The following HAUS8 variants were observed in gnomAD, a reference collection of about 807,000 sequenced individuals.
HAUS8 encodes HAUS augmin like complex subunit 8, also known as HAUS augmin-like complex subunit 8.
A neutral mutation model predicts 42.9 loss-of-function variants in HAUS8; 38 were observed. The ratio of observed to expected loss-of-function variants is 0.89; its 90% CI spans 0.68 to 1.16. The LOEUF (loss-of-function observed/expected upper bound fraction) is 1.16, where lower values mean the gene tolerates loss of function less well. HAUS8 is among the 50% of genes most tolerant of loss of function. The probability of loss-of-function intolerance (pLI) is 0.00; values close to 1 mark genes in which losing one functional copy is unlikely to be tolerated. For synonymous variants in HAUS8, 199 were observed against 205.8 expected (o/e 0.97, Z 0.28); for missense variants, 494 against 511.6 (o/e 0.97, Z 0.33).
rs754424166 is a variant in HAUS8 at position 17,069,055 on chromosome 19, C to T, written c.123G>A (p.Gln41=). 2.5e-6 allele frequency: 4 copies of T among 1,613,502 alleles called. No homozygotes were observed. In the South Asian group the frequency reaches 3.3e-5, roughly 13 times the overall value. The change falls in exon 3 of 11, where the codon CAG becomes CAA. Residue 41 remains glutamine (Q), a synonymous_variant. Transcript: ENST00000253669. ...CCTTTTGGGTTGTCTTCTTTTCATA[C>T]TGCAGATACCGGGACTCAATCACTC... ...GGRVIESRYL[Q]YEKKTTQKAP...
At chr19:17,065,496 G>C (rs1363835894) in intron 3 of HAUS8, among the ~76,000 whole-genome samples, 1 of 152,116 alleles carries the variant, frequency 6.6e-6, no homozygotes, top group African/African-American at 2.4e-5. Flanking sequence ...CCACAGGGCT[G>C]TCCATGCTTC....
At chr19:17,067,031 C>G (rs557138737) in intron 3 of HAUS8, among the ~76,000 whole-genome samples, 1 of 151,972 alleles carries the variant, frequency 6.6e-6, no homozygotes, top group Non-Finnish European at 1.5e-5. Context: ...ATGCTGAAAC[C>G]CTGTCTCTAC....
chr19:17,068,275 G>A (rs1049720193), intron 3 of HAUS8, among the ~76,000 whole-genome samples: 3 of 151,608 alleles, frequency 2.0e-5, no homozygotes, highest in Non-Finnish European at 4.4e-5. Context: ...CACTGCATCC[G>A]GCTAATTTTT....
rs779147284 is a variant in HAUS8 at position 17,052,813 on chromosome 19, T to C, written c.929+12A>G. ...GGGTGCCACCTCTTTCTTAAAGCAT[T>C]TTCCGAGGTACCTTCGGAGCTCAAG... On this transcript the variant is annotated intron_variant, in intron 10 of 10. Transcript: ENST00000253669. 6.8e-6 allele frequency: 11 copies of C among 1,614,120 alleles called. 1 individual carries two copies. In the South Asian group the frequency reaches 1.1e-4, roughly 16 times the overall value.
At chr19:17,069,187 T>C in intron 2 of HAUS8, 101 bp from the exon 3 acceptor site, 2 of 977,514 alleles carry the variant, frequency 2.0e-6, no homozygotes, top group Non-Finnish European at 3.2e-6. Context: ...AGGGGCCCTC[T>C]CCACTCAGTG....
At chr19:17,052,576 C>CAA in intron 10 of HAUS8, 18 of 354,734 alleles carry the variant, frequency 5.1e-5, no homozygotes, top group South Asian at 7.2e-5. Context: ...GAACCTGTCT[C>CAA]AAAAAAAAAA....
In HAUS8 at chr19:17,062,665, C is replaced by T. The variant is rs375765810; in HGVS notation, c.229+33G>A. On this transcript the variant is annotated intron_variant, in intron 4 of 10. Transcript: ENST00000253669. ...TGGAGACAAAATTTACTGCCGCGCT[C>T]ATCACTGCCCGAGGACCATGGCTGT... 1.9e-5 allele frequency: 29 copies of T among 1,566,968 alleles called. No homozygotes were observed. The African/African-American group carries it at 3.1e-4, about 17-fold the overall frequency.
chr19:17,068,338 T>G (rs922352693), intron 3 of HAUS8, among the ~76,000 whole-genome samples: 2 of 152,118 alleles, frequency 1.3e-5, no homozygotes, highest in African/African-American at 4.8e-5. Flanking sequence ...GGTCTCGAAC[T>G]CCTAGCCTCA....
intron 4 of HAUS8, among the ~76,000 whole-genome samples, chr19:17,060,656 C>T (rs1279019364): frequency 6.6e-6 from 1 of 152,218 alleles, no homozygotes; most frequent in Non-Finnish European, 1.5e-5. Flanking sequence ...GATCTATCCA[C>T]CTCGGCCTCC....
intron 8 of HAUS8, 70 bp from the exon 9 acceptor site, chr19:17,056,072 G>A (rs1220438113): frequency 1.0e-5 from 15 of 1,447,770 alleles, no homozygotes; most frequent in African/African-American, 1.5e-5. Context: ...GAAGCTTAAC[G>A]GCTTGTGCAG....
intron 8 of HAUS8, among the ~76,000 whole-genome samples, chr19:17,057,532 C>G (rs1348900321): frequency 6.6e-6 from 1 of 152,074 alleles, no homozygotes; most frequent in Non-Finnish European, 1.5e-5. Flanking sequence ...TTCCAATATA[C>G]TTATTGAAAA....
chr19:17,059,438 A>G (rs111324441), intron 6 of HAUS8, 119 bp downstream of exon 6: 10,131 of 688,414 alleles, frequency 0.015, 161 homozygotes, highest in South Asian at 0.041. Context: ...TTTGTCCTAA[A>G]GGGCATGGGT....
intron 3 of HAUS8, among the ~76,000 whole-genome samples, chr19:17,068,099 C>CTTT (rs889723027): frequency 2.8e-3 from 257 of 93,442 alleles, no homozygotes; most frequent in East Asian, 4.9e-3. Flanking sequence ...TTATTTTATT[C>CTTT]TTTTTTTTTT....
chr19:17,060,390 C>T (rs1459406593), intron 4 of HAUS8: 1 of 298,534 alleles, frequency 3.3e-6, no homozygotes, highest in South Asian at 7.0e-5. Flanking sequence ...ATGCCATATT[C>T]CCATTCTACC....
intron 2 of HAUS8, among the ~76,000 whole-genome samples, chr19:17,072,793 A>G (rs911008530): frequency 1.3e-5 from 2 of 151,868 alleles, no homozygotes; most frequent in Non-Finnish European, 2.9e-5. Context: ...CCCTCATGAG[A>G]CTGACACGCT....
chr19:17,055,189 T>C (rs1303680206), intron 9 of HAUS8: 2 of 65,368 alleles, frequency 3.1e-5, no homozygotes, highest in Non-Finnish European at 5.0e-5. Flanking sequence ...TATATATATA[T>C]ATAAGCCAGG....
rs745670091 is a variant in HAUS8, at chr19:17,075,395, C to T, written c.28G>A (p.Gly10Arg). The change falls in exon 1 of 11, where the codon GGG becomes AGG. Residue 10 changes from glycine (G) to arginine (R), a missense_variant and splice_region_variant. Physicochemically the swap from Gly to Arg is moderately radical, Grantham distance 125 (BLOSUM62 -2). Coordinates refer to ENST00000253669, the MANE Select transcript of HAUS8 (RefSeq NM_033417.2). MADSSGRGAGKPATGPTNSS... is the reference protein window; with the variant it reads MADSSGRGARKPATGPTNSS... Reference sequence around the variant, plus strand: ...AGACCTGCGGAAGCCCCAACTCACCCAGCGCCTCGCCCCGAGGAATCCGCC... The same window carrying T: ...AGACCTGCGGAAGCCCCAACTCACCTAGCGCCTCGCCCCGAGGAATCCGCC... 1 of 1,614,018 alleles carries T rather than the reference C, an allele frequency of 6.2e-7. No homozygotes were observed. Among genetic ancestry groups the T allele is most frequent in the South Asian group, 1.1e-5 (1 of 91,086 alleles).
chr19:17,063,603 T>C (rs2057372969), intron 3 of HAUS8, among the ~76,000 whole-genome samples: 1 of 152,228 alleles, frequency 6.6e-6, no homozygotes. Context: ...CTGAACATTT[T>C]TGGGTGTGTC....
At chr19:17,065,903 T>A (rs1179982180) in intron 3 of HAUS8, among the ~76,000 whole-genome samples, 1 of 150,872 alleles carries the variant, frequency 6.6e-6, no homozygotes, top group Admixed American at 6.6e-5. Context: ...AAGGGTGGTA[T>A]GCCCGAACAG....
Sources: gnomAD v4.1 joint callset for allele counts (sites outside exome capture counted in the v4.1 genomes callset) on GRCh38, gnomAD v4.1.1 for gene constraint, MANE v1.5 for transcripts, NCBI Gene and HGNC (gene_info 2026-07-23, HGNC 2026-07-21) for gene names.